Variants in CERS3 observed in about 807,000 individuals in gnomAD.
The protein encoded by CERS3 is ceramide synthase 3.
CERS3 carries 33 observed loss-of-function variants against 50.3 expected under a neutral mutation model. That is an observed-to-expected ratio of 0.66 (90% confidence interval 0.50 to 0.88). CERS3 has a LOEUF of 0.88. CERS3 is among the 40% of genes least tolerant of loss of function. The pLI is 0.00. For missense variants in CERS3, 470 were observed against 460.3 expected, an observed-to-expected ratio of 1.02 and a Z score of -0.19; for synonymous variants, 176 against 155.2, an observed-to-expected ratio of 1.13 and a Z score of -0.99.
chr15:100,452,896 G>C (rs1204688690), intron 11 of CERS3, among the ~76,000 whole-genome samples: 1 of 152,036 alleles, frequency 6.6e-6, no homozygotes, highest in Non-Finnish European at 1.5e-5. Flanking sequence ...GGAAAACCTA[G>C]AGGCAATGGT....
intron 1 of CERS3, among the ~76,000 whole-genome samples, chr15:100,542,448 T>G (rs920709128): frequency 2.6e-5 from 4 of 152,216 alleles, no homozygotes; most frequent in Non-Finnish European, 5.9e-5. Flanking sequence ...ACAGTGACCG[T>G]TCTCACATAT....
At chr15:100,487,088 G>A (rs1371696382) in intron 4 of CERS3, among the ~76,000 whole-genome samples, 1 of 152,120 alleles carries the variant, frequency 6.6e-6, no homozygotes, top group Non-Finnish European at 1.5e-5. Context: ...GCAAACAAAA[G>A]TGTCTAAAAG....
intron 11 of CERS3, among the ~76,000 whole-genome samples, chr15:100,421,593 C>A (rs1467801663): frequency 6.7e-6 from 1 of 148,914 alleles, no homozygotes; most frequent in East Asian, 2.0e-4. Context: ...CTTTAAAGTT[C>A]ATATGGAACC....
chr15:100,432,715 G>T (rs1444573229), intron 11 of CERS3, among the ~76,000 whole-genome samples: 1 of 152,128 alleles, frequency 6.6e-6, no homozygotes, highest in African/African-American at 2.4e-5. Flanking sequence ...GTCTTAGGAG[G>T]TACGTTCGAA....
At chr15:100,524,954 T>G (rs1296381178) in intron 1 of CERS3, among the ~76,000 whole-genome samples, 1 of 152,222 alleles carries the variant, frequency 6.6e-6, no homozygotes, top group Non-Finnish European at 1.5e-5. Flanking sequence ...TTTTCTTCAC[T>G]AAGTACTTCA....
intron 4 of CERS3, among the ~76,000 whole-genome samples, chr15:100,488,294 C>T (rs28436785): frequency 0.018 from 2,721 of 152,280 alleles, 81 homozygotes; most frequent in African/African-American, 0.062. Context: ...AAGAAGCATC[C>T]TTGGGTCTGT....
intron 2 of CERS3, among the ~76,000 whole-genome samples, chr15:100,513,758 A>G (rs970444425): frequency 6.6e-6 from 1 of 151,944 alleles, no homozygotes; most frequent in Admixed American, 6.6e-5. Context: ...GCTGGTCTCA[A>G]ACTCCTGGGC....
chr15:100,513,910 C>T (rs1362315962), intron 2 of CERS3, among the ~76,000 whole-genome samples: 2 of 152,190 alleles, frequency 1.3e-5, no homozygotes, highest in African/African-American at 4.8e-5. Context: ...TCCATTTAAG[C>T]ATCTATAAGA....
chr15:100,494,210 C>CATATAT (rs1170051830), intron 3 of CERS3, among the ~76,000 whole-genome samples: 68 of 78,088 alleles, frequency 8.7e-4, no homozygotes, highest in African/African-American at 1.8e-3. Context: ...TTTTTCTTTT[C>CATATAT]ATATATATAT....
chr15:100,478,941 G>T (rs1392037707), intron 7 of CERS3, among the ~76,000 whole-genome samples: 1 of 152,120 alleles, frequency 6.6e-6, no homozygotes, highest in Admixed American at 6.5e-5. Flanking sequence ...TGAAGGAGGA[G>T]GGTGTATGGT....
intron 10 of CERS3, among the ~76,000 whole-genome samples, chr15:100,461,198 G>A (rs536866492): frequency 1.3e-5 from 2 of 152,262 alleles, no homozygotes; most frequent in Non-Finnish European, 2.9e-5. Context: ...TTCTTGGCTC[G>A]AAACCTGCAT....
At chr15:100,535,750 TGGGGACATCCCTATGTTCATATGTGCAC>T (rs1567690934) in intron 1 of CERS3, among the ~76,000 whole-genome samples, 6 of 141,270 alleles carry the variant, frequency 4.2e-5, no homozygotes, top group African/African-American at 1.6e-4. Flanking sequence ...GCACGGGAAG[TGGGGACATCCCTATGTTCATATGTGCAC>T]GGGAAGTGGG....
intron 1 of CERS3, among the ~76,000 whole-genome samples, chr15:100,543,132 G>T (rs1440878418): frequency 1.3e-5 from 2 of 151,936 alleles, no homozygotes; most frequent in Non-Finnish European, 2.9e-5. Flanking sequence ...GGCTGGTCTC[G>T]AACTCCTGAC....
At chr15:100,505,208 T>C (rs562313934) in intron 2 of CERS3, among the ~76,000 whole-genome samples, 1 of 152,324 alleles carries the variant, frequency 6.6e-6, no homozygotes, top group African/African-American at 2.4e-5. Context: ...CCCCCAATAT[T>C]ATTATAATCA....
At chr15:100,484,296 C>T (rs554813357) in intron 5 of CERS3, among the ~76,000 whole-genome samples, 13 of 152,204 alleles carry the variant, frequency 8.5e-5, no homozygotes, top group African/African-American at 2.4e-4. Context: ...TTAGAGAGTT[C>T]ATAGTGTGGG....
intron 2 of CERS3, among the ~76,000 whole-genome samples, chr15:100,507,638 G>A (rs2036223014): frequency 6.6e-6 from 1 of 152,236 alleles, no homozygotes; most frequent in Admixed American, 6.5e-5. Context: ...AGCCCACATA[G>A]TAGTCAGTGA....
chr15:100,416,900 A>G (rs1757502942), intron 11 of CERS3, among the ~76,000 whole-genome samples: 1 of 152,220 alleles, frequency 6.6e-6, no homozygotes, highest in Admixed American at 6.5e-5. Context: ...AACCACATTA[A>G]AAAACGGGCA....
At chr15:100,494,218 T>C (rs1331495910) in intron 3 of CERS3, among the ~76,000 whole-genome samples, 1 of 14,456 alleles carries the variant, frequency 6.9e-5, no homozygotes, top group African/African-American at 1.7e-4. Context: ...TTCATATATA[T>C]ATATATATAT....
intron 11 of CERS3, among the ~76,000 whole-genome samples, chr15:100,415,787 T>G (rs1014915286): frequency 1.7e-5 from 2 of 114,368 alleles, no homozygotes; most frequent in South Asian, 5.5e-4. Context: ...CCAGGGCCTG[T>G]CGGGGGGCAG....
Sources: allele counts gnomAD v4.1 joint callset (sites outside exome capture counted in the v4.1 genomes callset), GRCh38; gene constraint gnomAD v4.1.1; transcripts MANE v1.5; gene names NCBI Gene and HGNC (gene_info 2026-07-23, HGNC 2026-07-21).